GALNT8: variants seen among roughly 807,000 people sequenced by gnomAD.
The protein encoded by GALNT8 is probable polypeptide N-acetylgalactosaminyltransferase 8.
A neutral mutation model predicts 62.7 loss-of-function variants in GALNT8; 66 were observed. The ratio of observed to expected loss-of-function variants is 1.05; its 90% CI spans 0.86 to 1.29. The LOEUF (loss-of-function observed/expected upper bound fraction) is 1.29. Ranked by LOEUF, GALNT8 falls within the 50% of genes most tolerant of loss-of-function variation. The pLI is 0.00. For synonymous variants in GALNT8, 288 were observed against 294.3 expected, an observed-to-expected ratio of 0.98 and a Z score of 0.22; for missense variants, 771 against 791.8, an observed-to-expected ratio of 0.97 and a Z score of 0.32.
At position 4,726,726 on chromosome 12, in the gene GALNT8, C is replaced by G; in HGVS notation, c.406C>G (p.Gln136Glu). 6.2e-7 allele frequency: 1 copy of G among 1,614,044 alleles called. No homozygotes were observed. Among genetic ancestry groups the G allele is most frequent in the Non-Finnish European group, 8.5e-7 (1 of 1,179,982 alleles). The change falls in exon 2 of 11, where the codon CAG (glutamine) becomes GAG (glutamate). Residue 136 changes from glutamine to glutamate, a missense_variant. By Grantham distance (29) the Gln-to-Glu change is conservative. Coordinates refer to ENST00000252318, the MANE Select transcript of GALNT8 (RefSeq NM_017417.2). The surrounding 1 kb of genome is among the most constrained non-coding windows in gnomAD (Gnocchi z 4.1). ...RQWGEDLSEA[Q>E]QKAAQDLFRK... ...ATGGGGCGAGGATCTTTCTGAGGCCCAGCAGAAGGCGGCCCAGGACCTCTT... is the reference window on the plus strand; with the variant it reads ...ATGGGGCGAGGATCTTTCTGAGGCCGAGCAGAAGGCGGCCCAGGACCTCTT...
chr12:4,761,006 GC>G lies in GALNT8; in HGVS notation c.1225del (p.His409ThrfsTer2). On this transcript the variant is annotated frameshift_variant, in exon 7 of 11. Transcript: ENST00000252318. LOFTEE classifies it high-confidence loss of function. ...KVEILPCSRI[A>X]HLERHHKPYA... The stretch of plus-strand genomic sequence containing the variant: ...CGAGATTTTGCCCTGTTCCCGGATT[GC>G]CCACCTAGAGAGACACCACAAGCCC... 1 of 1,614,090 alleles carries G rather than the reference GC, an allele frequency of 6.2e-7. No individual in the cohort carries two copies. Among genetic ancestry groups the G allele is most frequent in the Non-Finnish European group, 8.5e-7 (1 of 1,180,018 alleles).
chr12:4,723,593 C>G (rs1011381967), intron 1 of GALNT8, among the ~76,000 whole-genome samples: 3 of 152,338 alleles, frequency 2.0e-5, no homozygotes, highest in African/African-American at 7.2e-5. Flanking sequence ...CCAGAGCCAT[C>G]TGGTTTACTC....
chr12:4,746,550 C>T (rs1489503113), intron 6 of GALNT8, among the ~76,000 whole-genome samples: 1 of 152,032 alleles, frequency 6.6e-6, no homozygotes, highest in Non-Finnish European at 1.5e-5. Context: ...TCAAGCATCT[C>T]CTGGGATAAA....
At chr12:4,754,043 A>C (rs1400162908) in intron 6 of GALNT8, among the ~76,000 whole-genome samples, 1 of 152,156 alleles carries the variant, frequency 6.6e-6, no homozygotes, top group Admixed American at 6.5e-5. Context: ...AATGGAGTCT[A>C]TCTCTCTTTC....
At position 4,744,719 on chromosome 12, in the gene GALNT8, A is replaced by C; in HGVS notation, c.860+19A>C. On this transcript the variant is annotated intron_variant, in intron 4 of 10. Transcript: ENST00000252318. The stretch of plus-strand genomic sequence containing the variant: ...TTGGGTGGTAAGGCTCAAAGAGGCT[A>C]GTTCTTCTGGAAAGGGCAGAGAGGA... 1 of 1,571,926 alleles carries C rather than the reference A, an allele frequency of 6.4e-7. No individual in the cohort carries two copies. Among genetic ancestry groups the C allele is most frequent in the Non-Finnish European group, 8.7e-7 (1 of 1,147,830 alleles).
chr12:4,742,567 C>A (rs1304551951), intron 3 of GALNT8, among the ~76,000 whole-genome samples: 1 of 152,166 alleles, frequency 6.6e-6, no homozygotes, highest in Non-Finnish European at 1.5e-5. Context: ...AATAACGTGA[C>A]AAACCGAGTG....
intron 10 of GALNT8, among the ~76,000 whole-genome samples, chr12:4,771,397 G>C (rs540006353): frequency 6.6e-6 from 1 of 152,268 alleles, no homozygotes; most frequent in South Asian, 2.1e-4. Context: ...GGTTGGGGCT[G>C]GGGGGAGTCC....
chr12:4,738,722 C>G (rs1462956592), intron 2 of GALNT8, among the ~76,000 whole-genome samples: 2 of 152,052 alleles, frequency 1.3e-5, no homozygotes, highest in African/African-American at 4.8e-5. Context: ...CCAGTGCCTA[C>G]CATATGGTAA....
chr12:4,767,540 A>G (rs1946405263), intron 10 of GALNT8, among the ~76,000 whole-genome samples: 2 of 152,162 alleles, frequency 1.3e-5, no homozygotes, highest in Admixed American at 1.3e-4. Context: ...CCACAGATAA[A>G]GATTAAGGAG....
chr12:4,737,434 C>T (rs1156402256), intron 2 of GALNT8, among the ~76,000 whole-genome samples: 1 of 152,170 alleles, frequency 6.6e-6, no homozygotes, highest in African/African-American at 2.4e-5. Context: ...TCTACCAGAT[C>T]CTCACAGTAA....
At chr12:4,765,819 G>T (rs148062821) in intron 10 of GALNT8, among the ~76,000 whole-genome samples, 20 of 152,274 alleles carry the variant, frequency 1.3e-4, no homozygotes, top group Non-Finnish European at 1.6e-4. Context: ...GTAATTTCTG[G>T]TGTGTTACCT....
At chr12:4,764,261 A>C (rs1021409329) in intron 9 of GALNT8, among the ~76,000 whole-genome samples, 33 of 152,182 alleles carry the variant, frequency 2.2e-4, no homozygotes, top group African/African-American at 5.8e-4. Context: ...AGTTACAGGG[A>C]GGATAGGTAG....
Position 4,720,742 on chromosome 12 carries a change from A to G in GALNT8, c.65A>G (p.Asn22Ser), listed in dbSNP as rs747277653. 1.5e-5 allele frequency: 25 copies of G among 1,613,676 alleles called. 1 individual carries two copies. The highest frequency in any genetic ancestry group is 1.1e-4 in the South Asian group (10 of 91,082). ...FIGLTLAIAV[N>S]LLLVFSSKGT... ...GGGCTGACTCTGGCCATTGCTGTCA[A>G]TCTCCTTCTGGTATTTTCTAGCAAG... The change falls in exon 1 of 11, where the codon AAT becomes AGT. Residue 22 changes from asparagine (N) to serine (S), a missense_variant. Transcript: ENST00000252318.
At chr12:4,772,275 C>T (rs533830448) in intron 10 of GALNT8, among the ~76,000 whole-genome samples, 170 bp from the exon 11 acceptor site, 2 of 152,318 alleles carry the variant, frequency 1.3e-5, no homozygotes, top group East Asian at 1.9e-4. Flanking sequence ...AGAGGAAGCA[C>T]GGGGTGATCT....
chr12:4,766,911 A>T (rs753367792), intron 10 of GALNT8, among the ~76,000 whole-genome samples: 3 of 151,740 alleles, frequency 2.0e-5, no homozygotes, highest in Non-Finnish European at 4.4e-5. Flanking sequence ...AGATTTGCTT[A>T]CAGTTTCAGA....
At position 4,744,719 on chromosome 12, in the gene GALNT8, A is replaced by G. The variant is rs1170049307; in HGVS notation, c.860+19A>G. ...TTGGGTGGTAAGGCTCAAAGAGGCT[A>G]GTTCTTCTGGAAAGGGCAGAGAGGA... is the stretch of plus-strand genomic sequence containing the variant. On this transcript the variant is annotated intron_variant, in intron 4 of 10. Coordinates refer to ENST00000252318, the MANE Select transcript of GALNT8 (RefSeq NM_017417.2). The G allele has an allele frequency of 1.3e-6, 2 of 1,571,926 alleles. No homozygotes were observed. Among genetic ancestry groups the G allele is most frequent in the Admixed American group, 1.7e-5 (1 of 58,896 alleles).
intron 9 of GALNT8, among the ~76,000 whole-genome samples, 189 bp downstream of exon 9, chr12:4,764,236 A>G (rs774734770): frequency 4.6e-5 from 7 of 152,226 alleles, no homozygotes; most frequent in Non-Finnish European, 1.0e-4. Context: ...AGCCGTGGCA[A>G]CGTAGTTCCA....
At chr12:4,727,878 C>T (rs985475315) in intron 2 of GALNT8, among the ~76,000 whole-genome samples, 1 of 152,084 alleles carries the variant, frequency 6.6e-6, no homozygotes, top group African/African-American at 2.4e-5. Flanking sequence ...TGTAGGTGTA[C>T]CCGATGGGTA....
chr12:4,720,813 C>A lies in GALNT8; in HGVS notation c.136C>A (p.Pro46Thr). 6.2e-7 allele frequency: 1 copy of A among 1,612,066 alleles called. No homozygotes were observed. The highest frequency in any genetic ancestry group is 8.5e-7 in the Non-Finnish European group (1 of 1,178,120). Residue 46 changes from proline to threonine, a missense_variant, in exon 1 of 11, where the codon CCT (proline) becomes ACT (threonine). Pro to Thr is a conservative substitution (Grantham distance 38). Transcript: ENST00000252318. ...LFTGGLHREL[P>T]LHLNKRYGAV... Reference sequence around the variant, plus strand: ...TACGGGTGGTCTCCACAGGGAGCTTCCTTTACATCTGAATAAACGCTACGG... The same window carrying A: ...TACGGGTGGTCTCCACAGGGAGCTTACTTTACATCTGAATAAACGCTACGG...
Sources: allele counts gnomAD v4.1 joint callset (sites outside exome capture counted in the v4.1 genomes callset), GRCh38; gene constraint gnomAD v4.1.1; non-coding constraint Gnocchi (gnomAD v3.1); transcripts MANE v1.5; gene names NCBI Gene and HGNC (gene_info 2026-07-23, HGNC 2026-07-21).